Variants in MAGEC3 observed in about 807,000 individuals in gnomAD.
MAGEC3 encodes the protein MAGE family member C3, also known as melanoma-associated antigen C3.
A neutral mutation model predicts 35.3 loss-of-function variants in MAGEC3; 34 were observed. The ratio of observed to expected loss-of-function variants is 0.96; its 90% confidence interval spans 0.73 to 1.28. MAGEC3 has a LOEUF of 1.28. Among genes scored for constraint, MAGEC3 ranks in the 50% most tolerant of loss-of-function variants. The pLI is 0.00. For missense variants in MAGEC3, 561 were observed against 483.6 expected (o/e 1.16, Z -1.50); for synonymous variants, 202 against 185.6 (o/e 1.09, Z -0.72).
chrX:141,879,028 G>A (rs1462006762), intron 2 of MAGEC3, 147 bp from the exon 3 acceptor site: 11 of 636,374 alleles, frequency 1.7e-5, no homozygotes, highest in Non-Finnish European at 2.5e-5. Flanking sequence ...GGGATGGGAG[G>A]GGCTTATTCG....
Position 141,881,747 on chromosome X carries a change from G to T in MAGEC3, c.860G>T (p.Gly287Val). The T allele has an allele frequency of 8.3e-7, 1 of 1,211,458 alleles. No individual in the cohort carries two copies. Among genetic ancestry groups the T allele is most frequent in the Non-Finnish European group, 1.1e-6 (1 of 895,434 alleles). The change falls in exon 4 of 8, where the codon GGC (glycine) becomes GTC (valine). Residue 287 changes from glycine (G) to valine (V), a missense_variant. Coordinates refer to ENST00000298296, the MANE Select transcript of MAGEC3 (RefSeq NM_138702.1). ...ATTCTGAGTGTGATCTTCATAAAGG[G>T]CAACTGTGCATCTGAGGAGGTCATC... ...ILILSVIFIK[G>V]NCASEEVIWE...
chrX:141,889,090 C>T (rs779080778), intron 4 of MAGEC3, among the ~76,000 whole-genome samples: 1 of 112,075 alleles, frequency 8.9e-6, no homozygotes, highest in South Asian at 3.8e-4. Context: ...ACAGTGGGCT[C>T]ATGCTCATGG....
intron 1 of MAGEC3, chrX:141,839,673 A>G (rs953949411): frequency 4.3e-5 from 32 of 736,688 alleles, no homozygotes; most frequent in Non-Finnish European, 5.1e-5. Context: ...GTTTATATGC[A>G]TTTCTAATAT....
At chrX:141,858,217 G>A (rs1356530389) in intron 1 of MAGEC3, among the ~76,000 whole-genome samples, 2 of 111,325 alleles carry the variant, frequency 1.8e-5, no homozygotes, top group Admixed American at 9.6e-5. Context: ...GATGCATGCA[G>A]CTTTTTTTGG....
At chrX:141,839,692 C>T (rs1207750469) in intron 1 of MAGEC3, 3 of 736,408 alleles carry the variant, frequency 4.1e-6, no homozygotes, top group Admixed American at 8.8e-5. Flanking sequence ...ATGTCAAATG[C>T]TTTACTAGCT....
intron 4 of MAGEC3, among the ~76,000 whole-genome samples, chrX:141,887,339 G>T (rs760433939): frequency 1.8e-5 from 2 of 112,234 alleles, no homozygotes; most frequent in East Asian, 5.6e-4. Flanking sequence ...ACATTATGCC[G>T]ATTGGATCCA....
At chrX:141,858,728 C>T (rs144690206) in intron 1 of MAGEC3, among the ~76,000 whole-genome samples, 2,716 of 110,295 alleles carry the variant, frequency 0.025, 36 homozygotes, top group African/African-American at 0.044. Context: ...ATACATATTA[C>T]TGCATATTTA....
intron 1 of MAGEC3, 138 bp from the exon 2 acceptor site, chrX:141,865,333 C>A: frequency 1.9e-6 from 1 of 533,730 alleles, no homozygotes; most frequent in Non-Finnish European, 2.6e-6. Context: ...AAATTTTATA[C>A]TTTTTAATTT....
intron 1 of MAGEC3, among the ~76,000 whole-genome samples, chrX:141,840,548 A>G (rs1378305577): frequency 1.8e-5 from 2 of 111,938 alleles, no homozygotes; most frequent in Non-Finnish European, 3.8e-5. Context: ...TAAATTTGGC[A>G]TCATTACTAA....
At position 141,897,138 on chromosome X, in the gene MAGEC3, G is replaced by A; in HGVS notation, c.1380G>A (p.Val460=). Residue 460 remains valine, a synonymous_variant, in exon 7 of 8, where the codon GTG becomes GTA. Coordinates refer to ENST00000298296, the MANE Select transcript of MAGEC3 (RefSeq NM_138702.1). ...CCAGGTATGCCCTGGATGAAAAGGT[G>A]GCTGAGTTGGTGCAGTTTCTTCTCC... ...SLPRYALDEK[V]AELVQFLLLK... 8.3e-7 allele frequency: 1 copy of A among 1,211,845 alleles called. No individual in the cohort carries two copies. Among genetic ancestry groups the A allele is most frequent in the Non-Finnish European group, 1.1e-6 (1 of 895,563 alleles).
intron 2 of MAGEC3, among the ~76,000 whole-genome samples, chrX:141,876,000 G>A (rs1038141679): frequency 1.6e-4 from 18 of 112,146 alleles, no homozygotes; most frequent in Non-Finnish European, 2.8e-4. Flanking sequence ...CAACCCTCAG[G>A]GAAGTCTCTG....
At chrX:141,891,271 T>A (rs1462310170) in intron 4 of MAGEC3, among the ~76,000 whole-genome samples, 1 of 111,820 alleles carries the variant, frequency 8.9e-6, no homozygotes, top group African/African-American at 3.3e-5. Context: ...ATGCAGTGAC[T>A]TTGTATGTGT....
rs749538711 is a variant in MAGEC3, at chrX:141,895,507, A to G, written c.1071A>G (p.Glu357=). ...TAGGACTTGCAGGCCACAGACAGGA[A>G]GATGGCCGCCGAGGGCTGACCGAGG... ...NPQGLAGHRQ[E]DGRRGLTEAS... Residue 357 remains glutamate, a synonymous_variant, in exon 6 of 8, where the codon GAA becomes GAG. Coordinates refer to ENST00000298296, the MANE Select transcript of MAGEC3 (RefSeq NM_138702.1). The G allele has an allele frequency of 8.3e-7, 1 of 1,210,579 alleles. No individual in the cohort carries two copies. Among genetic ancestry groups the G allele is most frequent in the Non-Finnish European group, 1.1e-6 (1 of 894,841 alleles).
At chrX:141,845,870 T>A (rs1037323214) in intron 1 of MAGEC3, among the ~76,000 whole-genome samples, 1 of 111,062 alleles carries the variant, frequency 9.0e-6, no homozygotes, top group African/African-American at 3.3e-5. Flanking sequence ...TGACTAGGAA[T>A]CTTTTCTGCA....
chrX:141,879,212 T>C lies in MAGEC3; in HGVS notation c.296T>C (p.Leu99Pro). The C allele has an allele frequency of 8.3e-7, 1 of 1,202,013 alleles. No homozygotes were observed. ...RTLSGSPGLQ[L>P]SDLHFGSQPE... ...CTATCAGGGTCCCCAGGTTTACAACTTTCTGACTTGCATTTTGGGAGTCAG... is the reference window on the plus strand; with the variant it reads ...CTATCAGGGTCCCCAGGTTTACAACCTTCTGACTTGCATTTTGGGAGTCAG... The change falls in exon 3 of 8, where the codon CTT (leucine) becomes CCT (proline). Residue 99 changes from leucine to proline, a missense_variant. Coordinates refer to ENST00000298296, the MANE Select transcript of MAGEC3 (RefSeq NM_138702.1).
At chrX:141,838,718 G>T in intron 1 of MAGEC3, 1 of 754,136 alleles carries the variant, frequency 1.3e-6, no homozygotes, top group Non-Finnish European at 1.6e-6. Context: ...GTTCATCGGG[G>T]GTGAGGCTCT....
At chrX:141,848,459 TTAG>T (rs1369194769) in intron 1 of MAGEC3, among the ~76,000 whole-genome samples, 3 of 110,874 alleles carry the variant, frequency 2.7e-5, no homozygotes, top group African/African-American at 9.8e-5. Context: ...TGTACAAAAA[TTAG>T]TAGCATTTCT....
rs756814349 is a variant in MAGEC3 at position 141,895,366 on chromosome X, G to A, written c.1007G>A (p.Arg336Lys). The change falls in exon 5 of 8, where the codon AGG becomes AAG. Residue 336 changes from arginine to lysine, a missense_variant. Arg to Lys is a conservative substitution (Grantham distance 26). Coordinates refer to ENST00000298296, the MANE Select transcript of MAGEC3 (RefSeq NM_138702.1). ...GCATTTTGCGAGGAGTCTGGACTCAGGTCAGCAGAGGGAAGCGTCTTAGAC... is the reference window on the plus strand; with the variant it reads ...GCATTTTGCGAGGAGTCTGGACTCAAGTCAGCAGAGGGAAGCGTCTTAGAC... Reference protein sequence around the residue: ...PEAFCEESGLRSAEGSVLDLA... With the variant: ...PEAFCEESGLKSAEGSVLDLA... 9 of 1,208,466 alleles carry A rather than the reference G, an allele frequency of 7.4e-6. No homozygotes were observed. The African/African-American group carries it at 1.6e-4, about 21-fold the overall frequency.
At chrX:141,856,906 C>G (rs1044274080) in intron 1 of MAGEC3, among the ~76,000 whole-genome samples, 9 of 111,616 alleles carry the variant, frequency 8.1e-5, no homozygotes, top group African/African-American at 2.9e-4. Context: ...AGAGAGAAAA[C>G]AAGTAATTGC....
Sources: allele counts gnomAD v4.1 joint callset (sites outside exome capture counted in the v4.1 genomes callset), GRCh38; gene constraint gnomAD v4.1.1; transcripts MANE v1.5; gene names NCBI Gene and HGNC (gene_info 2026-07-23, HGNC 2026-07-21).